GALNT17: variants seen among roughly 807,000 people sequenced by gnomAD.
GALNT17 encodes polypeptide N-acetylgalactosaminyltransferase 17.
GALNT17 carries 29 observed loss-of-function variants against 63.7 expected under a neutral mutation model. That is an observed-to-expected ratio of 0.46 (90% CI 0.34 to 0.62). The LOEUF is 0.62. Among genes scored for constraint, GALNT17 ranks in the 20% least tolerant of loss-of-function variants. GALNT17 has a pLI of 0.01. For synonymous variants in GALNT17, 305 were observed against 318.3 expected, an observed-to-expected ratio of 0.96 and a Z score of 0.45; for missense variants, 603 against 799.6, an observed-to-expected ratio of 0.75 and a Z score of 2.97.
At chr7:71,197,083 C>G (rs1410729471) in intron 1 of GALNT17, among the ~76,000 whole-genome samples, 1 of 151,928 alleles carries the variant, frequency 6.6e-6, no homozygotes, top group Non-Finnish European at 1.5e-5. Flanking sequence ...AATGGGGTAT[C>G]CATCCTCTCG....
chr7:71,148,862 A>G (rs1314696786), intron 1 of GALNT17, among the ~76,000 whole-genome samples: 1 of 102,208 alleles, frequency 9.8e-6, no homozygotes, highest in Non-Finnish European at 1.9e-5. Context: ...TGGTATTTTT[A>G]TATATATATA....
At chr7:71,600,528 A>G (rs566554679) in intron 6 of GALNT17, among the ~76,000 whole-genome samples, 1 of 152,190 alleles carries the variant, frequency 6.6e-6, no homozygotes, top group Non-Finnish European at 1.5e-5. Flanking sequence ...CAGCAACACC[A>G]TGATGCAGCT....
At chr7:71,635,869 G>T (rs970047723) in intron 6 of GALNT17, among the ~76,000 whole-genome samples, 2 of 152,186 alleles carry the variant, frequency 1.3e-5, no homozygotes, top group African/African-American at 4.8e-5. Context: ...GTAGCAGTGA[G>T]GACGACCAGA....
intron 1 of GALNT17, among the ~76,000 whole-genome samples, chr7:71,143,299 G>A (rs573758527): frequency 8.6e-5 from 13 of 150,634 alleles, no homozygotes; most frequent in East Asian, 4.0e-4. Flanking sequence ...GCGGGCACCC[G>A]TCATCCCAGT....
chr7:71,147,355 G>T (rs556065696), intron 1 of GALNT17, among the ~76,000 whole-genome samples: 2 of 152,160 alleles, frequency 1.3e-5, no homozygotes, highest in Non-Finnish European at 2.9e-5. Context: ...TCCAGCACGG[G>T]AGAAAGAAGT....
Position 71,132,747 on chromosome 7 carries a change from C to G in GALNT17, c.-56C>G, listed in dbSNP as rs1787705107. ...TTGCACGGCCCCTGGCTGCCCCGCG[C>G]CTCGCCGGAGCCCGAGGGGGCGCAG... On this transcript the variant is annotated 5_prime_UTR_variant, in exon 1 of 11. Coordinates refer to ENST00000333538, the MANE Select transcript of GALNT17 (RefSeq NM_022479.3). The G allele has an allele frequency of 6.8e-7, 1 of 1,467,196 alleles. No homozygotes were observed. Among genetic ancestry groups the G allele is most frequent in the Admixed American group, 2.1e-5 (1 of 46,526 alleles). The allele number at this position is 1,467,196 out of a possible 1,614,324, so 90.9% of individuals were successfully genotyped here.
intron 2 of GALNT17, among the ~76,000 whole-genome samples, chr7:71,370,763 G>A (rs532225838): frequency 4.0e-5 from 6 of 151,816 alleles, no homozygotes; most frequent in Admixed American, 1.3e-4. Context: ...CCACCACCGC[G>A]CCTGGCCCTT....
chr7:71,350,345 G>T (rs1583881078), intron 2 of GALNT17, among the ~76,000 whole-genome samples: 4 of 152,186 alleles, frequency 2.6e-5, no homozygotes, highest in Admixed American at 2.6e-4. Context: ...TTATAAGGGG[G>T]AGACAGATGA....
At chr7:71,414,520 C>G (rs965698635) in intron 3 of GALNT17, among the ~76,000 whole-genome samples, 1 of 152,078 alleles carries the variant, frequency 6.6e-6, no homozygotes, top group Non-Finnish European at 1.5e-5. Context: ...GGTAATGACC[C>G]ACACTTTCTT....
chr7:71,179,454 A>G (rs1038424843), intron 1 of GALNT17, among the ~76,000 whole-genome samples: 1 of 152,240 alleles, frequency 6.6e-6, no homozygotes, highest in African/African-American at 2.4e-5. Flanking sequence ...ACAGGCATGC[A>G]TCCTCAACTT....
intron 6 of GALNT17, among the ~76,000 whole-genome samples, chr7:71,610,204 T>A (rs1340539219): frequency 6.6e-6 from 1 of 152,166 alleles, no homozygotes; most frequent in Non-Finnish European, 1.5e-5. Context: ...AAAATGGTCC[T>A]AAATGACTAG....
intron 9 of GALNT17, among the ~76,000 whole-genome samples, chr7:71,694,274 A>C (rs1295704675): frequency 1.3e-5 from 2 of 152,072 alleles, no homozygotes; most frequent in Non-Finnish European, 2.9e-5. Flanking sequence ...TGGGAGCTAC[A>C]ATTCCAGATG....
chr7:71,458,916 A>G (rs1434564065), intron 5 of GALNT17, among the ~76,000 whole-genome samples: 1 of 152,086 alleles, frequency 6.6e-6, no homozygotes, highest in Non-Finnish European at 1.5e-5. Flanking sequence ...CCAAAAGGCA[A>G]TGTTTGGGTG....
At chr7:71,178,477 C>A (rs1462231025) in intron 1 of GALNT17, among the ~76,000 whole-genome samples, 1 of 152,102 alleles carries the variant, frequency 6.6e-6, no homozygotes, top group Non-Finnish European at 1.5e-5. Flanking sequence ...CACGTCTTTT[C>A]TGCCTTATTC....
intron 1 of GALNT17, among the ~76,000 whole-genome samples, chr7:71,296,352 G>A (rs1029518666): frequency 2.6e-5 from 4 of 152,076 alleles, no homozygotes; most frequent in Admixed American, 6.6e-5. Flanking sequence ...AGTGACTCAC[G>A]CCTGTAATCC....
chr7:71,295,832 C>A (rs1791069141), intron 1 of GALNT17, among the ~76,000 whole-genome samples: 1 of 151,980 alleles, frequency 6.6e-6, no homozygotes, highest in Non-Finnish European at 1.5e-5. Context: ...TGGCCTCAAG[C>A]AATCTTCCTG....
At chr7:71,280,081 G>C (rs1175258577) in intron 1 of GALNT17, among the ~76,000 whole-genome samples, 1 of 152,184 alleles carries the variant, frequency 6.6e-6, no homozygotes, top group East Asian at 1.9e-4. Flanking sequence ...CAAATGTATA[G>C]AGTAGCATTT....
At chr7:71,429,044 C>T (rs1786812811) in intron 5 of GALNT17, among the ~76,000 whole-genome samples, 1 of 152,210 alleles carries the variant, frequency 6.6e-6, no homozygotes, top group Non-Finnish European at 1.5e-5. Flanking sequence ...ACTCCACTTA[C>T]TTATCCAAAG....
chr7:71,588,605 A>G (rs1789753595), intron 6 of GALNT17, among the ~76,000 whole-genome samples: 1 of 152,186 alleles, frequency 6.6e-6, no homozygotes, highest in Non-Finnish European at 1.5e-5. Context: ...ATTGCTGTGT[A>G]GTCACAGCCA....
Sources: allele counts gnomAD v4.1 joint callset (sites outside exome capture counted in the v4.1 genomes callset), GRCh38; gene constraint gnomAD v4.1.1; transcripts MANE v1.5; gene names NCBI Gene and HGNC (gene_info 2026-07-23, HGNC 2026-07-21).